The following PRRX1 variants were observed in gnomAD, a reference collection of about 807,000 sequenced individuals.
PRRX1 encodes the protein paired mesoderm homeobox protein 1.
In PRRX1, 8 loss-of-function variants were observed where a neutral mutation model predicts 24.0. That is an observed-to-expected ratio of 0.33 (90% CI 0.20 to 0.60). PRRX1 has a LOEUF of 0.60. PRRX1 is among the 20% of genes least tolerant of loss of function. The pLI, the probability that PRRX1 is intolerant of heterozygous loss-of-function variation, is 0.82. For synonymous variants in PRRX1, 160 were observed against 131.7 expected, an observed-to-expected ratio of 1.22 and a Z score of -1.47; for missense variants, 281 against 322.4, an observed-to-expected ratio of 0.87 and a Z score of 0.98.
chr1:170,709,965 T>C (rs1654693196), intron 1 of PRRX1, among the ~76,000 whole-genome samples: 1 of 152,182 alleles, frequency 6.6e-6, no homozygotes, highest in Non-Finnish European at 1.5e-5. Context: ...AATAACTCTT[T>C]ATAGTTATTC....
Position 170,726,249 on chromosome 1 carries a change from C to T in PRRX1, c.447C>T (p.Phe149=). Residue 149 remains phenylalanine (F), a synonymous_variant, in exon 3 of 4, where the codon TTC becomes TTT. Transcript: ENST00000239461. ...QVWFQNRRAK[F]RRNERAMLAN... The stretch of plus-strand genomic sequence containing the variant: ...GGTTTCAGAACCGAAGAGCCAAGTT[C>T]CGCAGGAATGAGAGAGCCATGCTAG... 1 of 1,614,066 alleles carries T rather than the reference C, an allele frequency of 6.2e-7. No individual in the cohort carries two copies. The highest frequency in any genetic ancestry group is 8.5e-7 in the Non-Finnish European group (1 of 1,179,996).
At position 170,712,002 on chromosome 1, in the gene PRRX1, G is replaced by A. The variant is rs12085794; in HGVS notation, c.242-7724G>A. ...TATGACTCAACTGTTGTGTTTTTAG[G>A]CATATGGCAACCAAATTAGTTAACC... On this transcript the variant is annotated intron_variant, in intron 1 of 3. Coordinates refer to ENST00000239461, the MANE Select transcript of PRRX1 (RefSeq NM_022716.4). 5.4e-3 allele frequency among the ~76,000 whole-genome samples: 829 copies of A among 152,258 alleles called. 5 individuals are homozygous for A. The highest frequency in any genetic ancestry group is 0.019 in the African/African-American group (769 of 41,548).
At position 170,736,112 on chromosome 1, in the gene PRRX1, A is replaced by T; in HGVS notation, c.664A>T (p.Asn222Tyr). 6.2e-7 allele frequency: 1 copy of T among 1,614,190 alleles called. No individual in the cohort carries two copies. Among genetic ancestry groups the T allele is most frequent in the Non-Finnish European group, 8.5e-7 (1 of 1,180,010 alleles). ...NSPAQGINMA[N>Y]SIANLRLKAK... ...CCCTGCACAGGGCATCAACATGGCC[A>T]ACAGCATTGCCAACCTGAGACTGAA... The change falls in exon 4 of 4, where the codon AAC becomes TAC. Residue 222 changes from asparagine (N) to tyrosine (Y), a missense_variant. Coordinates refer to ENST00000239461, the MANE Select transcript of PRRX1 (RefSeq NM_022716.4).
At chr1:170,663,490 TTA>T (rs1472635453), upstream of PRRX1, 6 of 151,968 alleles carry the variant, frequency 3.9e-5, no homozygotes, top group African/African-American at 1.5e-4. Flanking sequence ...CCTTTTTTTT[TTA>T]ATTCTTAATT....
intron 1 of PRRX1, among the ~76,000 whole-genome samples, chr1:170,713,902 G>A (rs1413895340): frequency 6.6e-6 from 1 of 152,164 alleles, no homozygotes; most frequent in Non-Finnish European, 1.5e-5. Context: ...ATGCGCAATA[G>A]CTGCACAGTT....
At chr1:170,687,924 A>C (rs1470294986) in intron 1 of PRRX1, among the ~76,000 whole-genome samples, 1 of 152,168 alleles carries the variant, frequency 6.6e-6, no homozygotes. Context: ...TACTCAATTC[A>C]AAAAGCTCTG....
chr1:170,726,439 C>T (rs1295892765), intron 3 of PRRX1, 38 bp downstream of exon 3: 1 of 1,599,152 alleles, frequency 6.3e-7, no homozygotes, highest in Admixed American at 1.7e-5. Context: ...TCCACTTCCA[C>T]ATGTTTCTCA....
intron 1 of PRRX1, among the ~76,000 whole-genome samples, chr1:170,713,867 T>C (rs947743002): frequency 1.3e-5 from 2 of 152,194 alleles, no homozygotes; most frequent in Non-Finnish European, 2.9e-5. Context: ...TAGTGGGCTA[T>C]AGTTCAGGTA....
At chr1:170,729,476 G>A (rs1484730435) in intron 3 of PRRX1, among the ~76,000 whole-genome samples, 2 of 152,102 alleles carry the variant, frequency 1.3e-5, no homozygotes, top group Non-Finnish European at 2.9e-5. Flanking sequence ...TCAGAATTTT[G>A]GGTTGGAAAA....
At chr1:170,730,348 G>T (rs1655397660) in intron 3 of PRRX1, 1 of 1,606,920 alleles carries the variant, frequency 6.2e-7, no homozygotes, top group Non-Finnish European at 8.5e-7. Context: ...ACACTGAAAA[G>T]GTAACTTGTC....
At chr1:170,693,279 G>A (rs1253456024) in intron 1 of PRRX1, among the ~76,000 whole-genome samples, 6 of 152,048 alleles carry the variant, frequency 3.9e-5, no homozygotes, top group Non-Finnish European at 7.4e-5. Context: ...GCTGTAGAAA[G>A]GTTCTAAATA....
intron 1 of PRRX1, among the ~76,000 whole-genome samples, chr1:170,681,305 C>A (rs542212362): frequency 5.3e-5 from 8 of 152,088 alleles, no homozygotes; most frequent in Non-Finnish European, 1.0e-4. Flanking sequence ...TGTCTTGACC[C>A]CTCTGTTCTA....
chr1:170,674,144 T>C (rs942049224), intron 1 of PRRX1, among the ~76,000 whole-genome samples: 1 of 152,210 alleles, frequency 6.6e-6, no homozygotes, highest in Non-Finnish European at 1.5e-5. Flanking sequence ...CTCTTGATAG[T>C]CTACCTTCCC....
chr1:170,730,429 T>C lies in PRRX1; in HGVS notation c.599+4028T>C, dbSNP rs3830153. On this transcript the variant is annotated intron_variant, in intron 3 of 3. Coordinates refer to ENST00000239461, the MANE Select transcript of PRRX1 (RefSeq NM_022716.4). ...TTCAGAGTGTTTAAGAAAGTGGGGG[T>C]TGCAGTTCTAGAAATTTCAGCAGTG... The C allele has an allele frequency of 8.0e-5, 100 of 1,243,432 alleles. No homozygotes were observed. The East Asian group carries it at 2.3e-3, about 29-fold the overall frequency. The allele number at this position is 1,243,432 out of a possible 1,614,324, so 77.0% of individuals were successfully genotyped here. A position where few individuals can be genotyped will look rare whatever the true frequency, so the allele number is the denominator to read the frequency against.
intron 3 of PRRX1, chr1:170,728,469 A>G (rs1339788614): frequency 1.3e-5 from 2 of 152,152 alleles, no homozygotes. Flanking sequence ...TTTTATATAG[A>G]TGTAGCTTTA....
chr1:170,669,914 T>C (rs1653089876), intron 1 of PRRX1, among the ~76,000 whole-genome samples: 1 of 152,220 alleles, frequency 6.6e-6, no homozygotes, highest in Admixed American at 6.5e-5. Context: ...AGATAAGGAT[T>C]GCATTTCGCT....
At position 170,680,709 on chromosome 1, in the gene PRRX1, T is replaced by C. The variant is rs139169321; in HGVS notation, c.241+16250T>C. Among the ~76,000 whole-genome samples the C allele has an allele frequency of 2.6e-5, 4 of 152,344 alleles. No homozygotes were observed. The East Asian group carries it at 7.7e-4, about 29-fold the overall frequency. On this transcript the variant is annotated intron_variant, in intron 1 of 3. Coordinates refer to ENST00000239461, the MANE Select transcript of PRRX1 (RefSeq NM_022716.4). Reference sequence around the variant, plus strand: ...AGTTCACGCCTTGCAGATGCTGGCATTGGTTATGATTGTCCTGAAAGTTAT... The same window carrying C: ...AGTTCACGCCTTGCAGATGCTGGCACTGGTTATGATTGTCCTGAAAGTTAT...
chr1:170,665,384 T>C (rs891390620), intron 1 of PRRX1, among the ~76,000 whole-genome samples: 35 of 152,192 alleles, frequency 2.3e-4, no homozygotes, highest in Non-Finnish European at 2.8e-4. Context: ...TGTATCCCCA[T>C]GCCCCCAAGT....
chr1:170,685,129 T>G (rs969542974), intron 1 of PRRX1, among the ~76,000 whole-genome samples: 1 of 152,222 alleles, frequency 6.6e-6, no homozygotes, highest in Admixed American at 6.5e-5. Flanking sequence ...GAAATATTGG[T>G]TTTGGACCAA....
Sources: gnomAD v4.1 joint callset for allele counts (sites outside exome capture counted in the v4.1 genomes callset) on GRCh38, gnomAD v4.1.1 for gene constraint, MANE v1.5 for transcripts, NCBI Gene and HGNC (gene_info 2026-07-23, HGNC 2026-07-21) for gene names.